TMEM132B: variants seen among roughly 807,000 people sequenced by gnomAD.
TMEM132B encodes the protein transmembrane protein 132B.
A neutral mutation model predicts 90.8 loss-of-function variants in TMEM132B; 18 were observed. The ratio of observed to expected loss-of-function variants is 0.20; its 90% confidence interval spans 0.14 to 0.29. TMEM132B has a LOEUF of 0.29. Among genes scored for constraint, TMEM132B ranks in the 10% least tolerant of loss-of-function variants. The pLI, the probability that TMEM132B is intolerant of heterozygous loss-of-function variation, is 1.00. For missense variants in TMEM132B, 1,096 were observed against 1,326.8 expected, an observed-to-expected ratio of 0.83 and a Z score of 2.70; for synonymous variants, 504 against 523.3, an observed-to-expected ratio of 0.96 and a Z score of 0.50.
intron 1 of TMEM132B, among the ~76,000 whole-genome samples, chr12:125,296,513 C>G (rs952039198): frequency 9.2e-5 from 14 of 152,344 alleles, no homozygotes; most frequent in African/African-American, 3.4e-4. Context: ...GCCAATTGGG[C>G]ACCACCTGCC....
chr12:125,191,233 G>A (rs1872780842), intron 1 of TMEM132B, among the ~76,000 whole-genome samples: 1 of 149,426 alleles, frequency 6.7e-6, no homozygotes, highest in African/African-American at 2.5e-5. Context: ...GGTGGTGGTG[G>A]TGATGGTGAT....
chr12:125,289,416 G>C (rs1875470214), intron 1 of TMEM132B, among the ~76,000 whole-genome samples: 1 of 152,170 alleles, frequency 6.6e-6, no homozygotes, highest in African/African-American at 2.4e-5. Context: ...CATTTTACAG[G>C]AGAGAAAACT....
intron 1 of TMEM132B, among the ~76,000 whole-genome samples, chr12:125,214,492 C>G (rs1384042170): frequency 6.6e-6 from 1 of 152,202 alleles, no homozygotes; most frequent in Non-Finnish European, 1.5e-5. Flanking sequence ...TTGGCCCAAT[C>G]ATTGTGACTC....
chr12:125,492,380 T>C lies in TMEM132B; in HGVS notation c.1107-27059T>C, dbSNP rs1244733974. 6.6e-6 allele frequency among the ~76,000 whole-genome samples: 1 copy of C among 152,232 alleles called. No individual in the cohort carries two copies. Among genetic ancestry groups the C allele is most frequent in the Non-Finnish European group, 1.5e-5 (1 of 68,044 alleles). On this transcript the variant is annotated intron_variant, in intron 3 of 8. Coordinates refer to ENST00000682704, the MANE Select transcript of TMEM132B (RefSeq NM_001366854.1). The surrounding 1 kb of genome is among the most constrained non-coding windows in gnomAD (Gnocchi z 5.8). Reference sequence around the variant, plus strand: ...CACAGCTAATCACATGCATCTGTTGTCTGCAGCTTGGGTGTGAATTTCCCT... The same window carrying C: ...CACAGCTAATCACATGCATCTGTTGCCTGCAGCTTGGGTGTGAATTTCCCT...
intron 1 of TMEM132B, among the ~76,000 whole-genome samples, chr12:125,222,542 G>A (rs757435845): frequency 6.6e-6 from 1 of 152,176 alleles, no homozygotes. Context: ...ATTTGTTCTT[G>A]GAACTGCTTC....
At chr12:125,238,464 C>T (rs1426032089) in intron 1 of TMEM132B, among the ~76,000 whole-genome samples, 2 of 151,006 alleles carry the variant, frequency 1.3e-5, no homozygotes, top group Non-Finnish European at 2.9e-5. Context: ...TGTCCCTGTT[C>T]CCTTTTCTTC....
intron 1 of TMEM132B, among the ~76,000 whole-genome samples, chr12:125,238,930 T>A (rs1462068253): frequency 6.6e-6 from 1 of 152,174 alleles, no homozygotes; most frequent in Non-Finnish European, 1.5e-5. Flanking sequence ...GTCTCTGATG[T>A]GGCGCCTGGA....
intron 3 of TMEM132B, among the ~76,000 whole-genome samples, chr12:125,427,602 G>A (rs1880356994): frequency 6.6e-6 from 1 of 152,080 alleles, no homozygotes; most frequent in South Asian, 2.1e-4. Context: ...TCAGCACTTT[G>A]GTAGAATTTT....
At chr12:125,484,160 G>A (rs769015448) in intron 3 of TMEM132B, among the ~76,000 whole-genome samples, 4 of 152,074 alleles carry the variant, frequency 2.6e-5, no homozygotes, top group African/African-American at 4.8e-5. Context: ...TTGGCCCCCC[G>A]AAGTGCTGGG....
intron 3 of TMEM132B, among the ~76,000 whole-genome samples, chr12:125,450,625 A>T (rs1011521329): frequency 2.0e-5 from 3 of 152,180 alleles, no homozygotes; most frequent in East Asian, 3.9e-4. Flanking sequence ...ATAAATAAAG[A>T]TTGTGTCAGG....
At chr12:125,647,940 A>C (rs1047045384) in intron 6 of TMEM132B, among the ~76,000 whole-genome samples, 3 of 146,676 alleles carry the variant, frequency 2.0e-5, no homozygotes, top group Non-Finnish European at 4.5e-5. Context: ...TTTAGGGTAC[A>C]TGTGCACATT....
intron 1 of TMEM132B, among the ~76,000 whole-genome samples, chr12:125,273,194 G>A (rs1395658329): frequency 6.6e-6 from 1 of 151,456 alleles, no homozygotes; most frequent in Non-Finnish European, 1.5e-5. Context: ...ATGTAATTCT[G>A]TTTTTTAAAT....
intron 1 of TMEM132B, among the ~76,000 whole-genome samples, chr12:125,231,773 A>T (rs550896868): frequency 2.0e-5 from 3 of 152,032 alleles, no homozygotes; most frequent in Non-Finnish European, 4.4e-5. Context: ...TAAAAAAAAA[A>T]CCCAAAGGCT....
intron 2 of TMEM132B, among the ~76,000 whole-genome samples, chr12:125,370,409 C>T (rs546811772): frequency 3.2e-4 from 49 of 152,332 alleles, no homozygotes; most frequent in East Asian, 2.5e-3. Context: ...TCCAAGTCTG[C>T]CCTTCTTTAA....
intron 5 of TMEM132B, among the ~76,000 whole-genome samples, chr12:125,594,234 T>C (rs1566084090): frequency 6.6e-6 from 1 of 152,248 alleles, no homozygotes; most frequent in Non-Finnish European, 1.5e-5. Flanking sequence ...TGTGTAACAA[T>C]AATTCATTCC....
At chr12:125,411,372 G>GC (rs1555247093) in intron 2 of TMEM132B, among the ~76,000 whole-genome samples, 1 of 138,818 alleles carries the variant, frequency 7.2e-6, no homozygotes. Context: ...GGGTGGGGGG[G>GC]GGCCTAGGGG....
intron 1 of TMEM132B, among the ~76,000 whole-genome samples, chr12:125,339,629 C>T: frequency 6.6e-6 from 1 of 152,194 alleles, no homozygotes; most frequent in Admixed American, 6.5e-5. Context: ...GACAATTAAC[C>T]TTCCAGAGAA....
intron 3 of TMEM132B, among the ~76,000 whole-genome samples, chr12:125,484,408 C>G (rs1429296244): frequency 1.3e-5 from 2 of 152,004 alleles, no homozygotes; most frequent in Admixed American, 1.3e-4. Flanking sequence ...GGCTGTAAAT[C>G]AAGGCGTCCT....
chr12:125,554,174 A>G (rs1024506442), intron 4 of TMEM132B, among the ~76,000 whole-genome samples: 3 of 152,130 alleles, frequency 2.0e-5, no homozygotes, highest in Admixed American at 2.0e-4. Flanking sequence ...CTGTAATCCC[A>G]GCACTTTGGG....
Sources: allele counts gnomAD v4.1 joint callset (sites outside exome capture counted in the v4.1 genomes callset), GRCh38; gene constraint gnomAD v4.1.1; non-coding constraint Gnocchi (gnomAD v3.1); transcripts MANE v1.5; gene names NCBI Gene and HGNC (gene_info 2026-07-23, HGNC 2026-07-21).